TUSC3: variants seen among roughly 807,000 people sequenced by gnomAD.
TUSC3 encodes the protein tumor suppressor candidate 3, also known as dolichyl-diphosphooligosaccharide--protein glycosyltransferase subunit TUSC3.
Under a neutral mutation model 44.8 loss-of-function variants are expected in TUSC3, and 45 were observed. That is an observed-to-expected ratio of 1.00 (90% CI 0.79 to 1.29). The LOEUF is 1.29. Ranked by LOEUF, TUSC3 falls within the 50% of genes most tolerant of loss-of-function variation. The pLI is 0.00. For missense variants in TUSC3, 519 were observed against 437.9 expected (o/e 1.19, Z -1.65); for synonymous variants, 212 against 152.9 (o/e 1.39, Z -2.85).
the TUSC3 span, among the ~76,000 whole-genome samples, chr8:15,838,046 C>T: frequency 6.7e-6 from 1 of 149,458 alleles, no homozygotes; most frequent in African/African-American, 2.4e-5. Context: ...TGGAGATAGC[C>T]AATTCTATAG....
At chr8:15,668,521 C>T (rs1386011583) in intron 5 of TUSC3, among the ~76,000 whole-genome samples, 1 of 151,562 alleles carries the variant, frequency 6.6e-6, no homozygotes, top group Non-Finnish European at 1.5e-5. Context: ...TGAGCCCTGC[C>T]CACAGGGACC....
chr8:15,655,231 T>G (rs534074317), intron 3 of TUSC3, among the ~76,000 whole-genome samples: 1 of 152,160 alleles, frequency 6.6e-6, no homozygotes, highest in African/African-American at 2.4e-5. Flanking sequence ...AGATGGTGAT[T>G]AGCAGCTTCC....
At chr8:15,642,031 A>G (rs749208672) in intron 2 of TUSC3, among the ~76,000 whole-genome samples, 3 of 152,178 alleles carry the variant, frequency 2.0e-5, no homozygotes, top group Non-Finnish European at 2.9e-5. Context: ...TTTTTAATAT[A>G]CCAGTTATAC....
the TUSC3 span, among the ~76,000 whole-genome samples, chr8:15,826,998 G>C: frequency 1.3e-5 from 2 of 152,148 alleles, no homozygotes; most frequent in Non-Finnish European, 2.9e-5. Flanking sequence ...TCAGAGTTCT[G>C]TTATAATATA....
intron 7 of TUSC3, among the ~76,000 whole-genome samples, chr8:15,741,239 C>T (rs978500010): frequency 1.3e-5 from 2 of 152,086 alleles, no homozygotes; most frequent in African/African-American, 2.4e-5. Flanking sequence ...AACTGTCATA[C>T]ATTTTATTTT....
At chr8:15,645,414 C>A (rs955356581) in intron 2 of TUSC3, among the ~76,000 whole-genome samples, 1 of 152,162 alleles carries the variant, frequency 6.6e-6, no homozygotes, top group East Asian at 1.9e-4. Context: ...AGACATACCA[C>A]CATTATTTTC....
chr8:15,813,749 T>C, the TUSC3 span, among the ~76,000 whole-genome samples: 5 of 152,020 alleles, frequency 3.3e-5, no homozygotes, highest in African/African-American at 1.2e-4. Flanking sequence ...AGATAGCTTA[T>C]TAACCCTCAT....
chr8:15,594,731 T>C lies in TUSC3; in HGVS notation c.139-28349T>C, dbSNP rs377228343. 7.9e-5 allele frequency among the ~76,000 whole-genome samples: 12 copies of C among 152,280 alleles called. No individual in the cohort carries two copies. The East Asian group carries it at 2.1e-3, about 27-fold the overall frequency. ...GTCCTCTGTGAGTGCTGGATACTAC[T>C]CTTATGAATCAGGTTCGCTGCACAC... is the stretch of plus-strand genomic sequence containing the variant. On this transcript the variant is annotated intron_variant, in intron 1 of 10. Coordinates refer to ENST00000503731, the MANE Select transcript of TUSC3 (RefSeq NM_006765.4).
intron 2 of TUSC3, 139 bp from the exon 3 acceptor site, chr8:15,650,558 A>T (rs574204734): frequency 5.9e-6 from 4 of 679,952 alleles, no homozygotes; most frequent in African/African-American, 3.6e-5. Flanking sequence ...TTTAAAAAAA[A>T]ATATTTTAAA....
At chr8:15,709,042 A>C (rs1208248003) in intron 6 of TUSC3, among the ~76,000 whole-genome samples, 3 of 152,042 alleles carry the variant, frequency 2.0e-5, no homozygotes, top group Non-Finnish European at 4.4e-5. Context: ...TCCAACTAAT[A>C]GTTGATCATT....
rs1268280482 is a variant in TUSC3, at chr8:15,582,039, A to T, written c.139-41041A>T. ...CGCCGCTTTTTAAGCCGGTCTGAAA[A>T]GCGCAATATTCGGGTGGCAGTGACC... On this transcript the variant is annotated intron_variant, in intron 1 of 10. Transcript: ENST00000503731. Among the ~76,000 whole-genome samples, 3 of 152,028 alleles carry T rather than the reference A, an allele frequency of 2.0e-5. No individual in the cohort carries two copies. The South Asian group carries it at 6.2e-4, about 32-fold the overall frequency.
chr8:15,602,666 ATGTGTGTGTG>A (rs60206119), intron 1 of TUSC3, among the ~76,000 whole-genome samples: 2,988 of 145,960 alleles, frequency 0.02, 87 homozygotes, highest in African/African-American at 0.068. Context: ...AAATATTTAT[ATGTGTGTGTG>A]TGTGTGTGTG....
At chr8:15,751,976 G>GAGTT (rs1811723721) in intron 9 of TUSC3, among the ~76,000 whole-genome samples, 1 of 152,148 alleles carries the variant, frequency 6.6e-6, no homozygotes, top group Non-Finnish European at 1.5e-5. Flanking sequence ...TTTTAAATTT[G>GAGTT]AGTTGTTAAA....
At chr8:15,717,332 A>G (rs1810095826) in intron 6 of TUSC3, among the ~76,000 whole-genome samples, 1 of 152,122 alleles carries the variant, frequency 6.6e-6, no homozygotes, top group Non-Finnish European at 1.5e-5. Context: ...GAGATGGAAC[A>G]GCCTTAAGAA....
At chr8:15,694,391 A>C (rs994452475) in intron 6 of TUSC3, among the ~76,000 whole-genome samples, 1 of 142,352 alleles carries the variant, frequency 7.0e-6, no homozygotes, top group Non-Finnish European at 1.5e-5. Context: ...AGCCGAGATC[A>C]CGCCATTGCA....
At chr8:15,624,880 A>C (rs1003274793) in intron 2 of TUSC3, among the ~76,000 whole-genome samples, 5 of 152,148 alleles carry the variant, frequency 3.3e-5, no homozygotes, top group African/African-American at 9.6e-5. Context: ...TAGATCCCAA[A>C]GATCTTCTCC....
At chr8:15,539,684 A>T (rs1390871963), upstream of TUSC3, among the ~76,000 whole-genome samples, 1 of 152,144 alleles carries the variant, frequency 6.6e-6, no homozygotes, top group East Asian at 1.9e-4. Context: ...ATAGAATAGA[A>T]ATTGAAGTAA....
intron 2 of TUSC3, among the ~76,000 whole-genome samples, chr8:15,504,657 T>G (rs148024000): frequency 0.096 from 12,490 of 129,798 alleles, 978 homozygotes; most frequent in Non-Finnish European, 0.14. Context: ...GGGTTTTTTT[T>G]TGTGTGTTTT....
At chr8:15,594,228 T>G (rs1803975137) in intron 1 of TUSC3, among the ~76,000 whole-genome samples, 1 of 152,222 alleles carries the variant, frequency 6.6e-6, no homozygotes, top group South Asian at 2.1e-4. Context: ...TTCCTTCTGC[T>G]GTATTTTTTA....
Sources: gnomAD v4.1 joint callset for allele counts (sites outside exome capture counted in the v4.1 genomes callset) on GRCh38, gnomAD v4.1.1 for gene constraint, MANE v1.5 for transcripts, NCBI Gene and HGNC (gene_info 2026-07-23, HGNC 2026-07-21) for gene names.